Variants in REPS2 observed in about 807,000 individuals in gnomAD.
REPS2 encodes the protein RALBP1 associated Eps domain containing 2.
REPS2 carries 23 observed loss-of-function variants against 53.6 expected under a neutral mutation model. The observed-to-expected ratio is 0.43, with a 90% confidence interval of 0.31 to 0.61. The LOEUF (loss-of-function observed/expected upper bound fraction) is 0.61. REPS2 is among the 20% of genes least tolerant of loss of function. The pLI is 0.11. For synonymous variants in REPS2, 238 were observed against 218.6 expected (o/e 1.09, Z -0.78); for missense variants, 446 against 534.9 (o/e 0.83, Z 1.64).
chrX:17,035,329 G>A (rs1184277261), intron 5 of REPS2, among the ~76,000 whole-genome samples: 5 of 108,477 alleles, frequency 4.6e-5, no homozygotes, highest in African/African-American at 1.0e-4. Flanking sequence ...TAAGGAGAGC[G>A]GAGGAGTGAG....
rs113620852 is a variant in REPS2, at chrX:17,004,352, G to T, written c.274-1869G>T. On this transcript the variant is annotated intron_variant, in intron 1 of 17. Transcript: ENST00000357277. ...ACCCACAACTTACAGCTTTTCCATG[G>T]AGATTTTAAACTTAGAAAACTTTGA... Among the ~76,000 whole-genome samples, 575 of 108,877 alleles carry T rather than the reference G, an allele frequency of 5.3e-3. 5 individuals are homozygous for T. Among genetic ancestry groups the T allele is most frequent in the African/African-American group, 0.018 (551 of 29,852 alleles). The allele number at this position is 108,877 out of a possible 115,157, so 94.5% of individuals were successfully genotyped here.
chrX:17,086,926 G>A (rs192323400), intron 13 of REPS2, among the ~76,000 whole-genome samples: 182 of 112,148 alleles, frequency 1.6e-3, no homozygotes, highest in African/African-American at 5.4e-3. Context: ...AGGATCCCAA[G>A]AGGGATATGG....
the REPS2 span, among the ~76,000 whole-genome samples, chrX:17,179,738 T>C: frequency 8.9e-6 from 1 of 111,824 alleles, no homozygotes; most frequent in Non-Finnish European, 1.9e-5. Context: ...CATTTCAGAA[T>C]ACATTTTATA....
chrX:17,182,184 A>G, the REPS2 span, among the ~76,000 whole-genome samples: 2 of 108,289 alleles, frequency 1.8e-5, no homozygotes, highest in Non-Finnish European at 3.9e-5. Context: ...CTATCTATCT[A>G]TCTATCATCT....
intron 2 of REPS2, among the ~76,000 whole-genome samples, chrX:17,012,416 A>AACAACAACAACAAG (rs1569124855): frequency 2.1e-5 from 2 of 96,737 alleles, no homozygotes; most frequent in African/African-American, 8.8e-5. Context: ...ACAACAACAA[A>AACAACAACAACAAG]CAAAACCCTA....
chrX:16,954,896 C>T (rs1382876715), intron 1 of REPS2, among the ~76,000 whole-genome samples: 3 of 103,495 alleles, frequency 2.9e-5, no homozygotes, highest in African/African-American at 7.1e-5. Context: ...CTGCAACCTC[C>T]GCCTCCCAGG....
At chrX:17,194,420 A>T in the REPS2 span, among the ~76,000 whole-genome samples, 1 of 112,192 alleles carries the variant, frequency 8.9e-6, no homozygotes, top group Non-Finnish European at 1.9e-5. Context: ...TGATGCATAC[A>T]GTACAAACAA....
intron 14 of REPS2, among the ~76,000 whole-genome samples, chrX:17,112,125 A>G (rs2062979788): frequency 9.1e-6 from 1 of 109,946 alleles, no homozygotes; most frequent in South Asian, 4.0e-4. Context: ...ACACCGAGCT[A>G]ATGTTTTTAT....
chrX:17,045,667 T>G (rs1265919004), intron 5 of REPS2, among the ~76,000 whole-genome samples: 1 of 109,206 alleles, frequency 9.2e-6, no homozygotes, highest in Non-Finnish European at 1.9e-5. Context: ...ACCTTCCTTC[T>G]GACTAAAGGA....
intron 13 of REPS2, among the ~76,000 whole-genome samples, chrX:17,093,924 T>G (rs1019717720): frequency 2.7e-5 from 3 of 111,945 alleles, no homozygotes; most frequent in African/African-American, 9.8e-5. Flanking sequence ...CCTCAGGTGT[T>G]CTGTCAGTTT....
At chrX:17,074,370 C>T (rs1219829698) in intron 12 of REPS2, 1 of 369,473 alleles carries the variant, frequency 2.7e-6, no homozygotes, top group African/African-American at 2.6e-5. Context: ...AGAAGGTGAC[C>T]ATGAATGCCC....
chrX:17,066,003 C>T (rs2062220355), intron 9 of REPS2, among the ~76,000 whole-genome samples: 1 of 111,730 alleles, frequency 9.0e-6, no homozygotes, highest in African/African-American at 3.3e-5. Context: ...GATTTCTAGT[C>T]GTCCCAGCAC....
downstream of REPS2, among the ~76,000 whole-genome samples, chrX:17,155,243 C>T (rs2063604035): frequency 9.0e-6 from 1 of 111,304 alleles, no homozygotes; most frequent in Non-Finnish European, 1.9e-5. Context: ...AGGTGGCAGG[C>T]GATATCACAT....
chrX:17,048,921 A>C (rs879101253), intron 6 of REPS2, among the ~76,000 whole-genome samples: 1 of 111,996 alleles, frequency 8.9e-6, no homozygotes, highest in Non-Finnish European at 1.9e-5. Context: ...TTTGAGATGG[A>C]GTCTTGCTCT....
chrX:17,038,838 C>T (rs1433660248), intron 5 of REPS2, among the ~76,000 whole-genome samples: 1 of 111,901 alleles, frequency 8.9e-6, no homozygotes, highest in African/African-American at 3.2e-5. Flanking sequence ...GAGGCAGGGC[C>T]CTGTGGGCTA....
chrX:17,016,760 C>CTTTTTTTTTTT (rs139092298), intron 2 of REPS2, among the ~76,000 whole-genome samples: 2 of 63,662 alleles, frequency 3.1e-5, no homozygotes, highest in Non-Finnish European at 5.8e-5. Context: ...TTTCTTTTTT[C>CTTTTTTTTTTT]TTTTTTTTTT....
intron 14 of REPS2, among the ~76,000 whole-genome samples, chrX:17,113,130 A>G (rs1020837883): frequency 2.0e-4 from 18 of 92,285 alleles, no homozygotes; most frequent in Non-Finnish European, 3.0e-4. Context: ...ACTGGAAGAA[A>G]AAGAGCACAC....
chrX:16,966,435 A>G (rs1005597443), intron 1 of REPS2, among the ~76,000 whole-genome samples: 1 of 112,367 alleles, frequency 8.9e-6, no homozygotes, highest in African/African-American at 3.2e-5. Context: ...TTGCGTTTAC[A>G]TAATGAGATC....
intron 1 of REPS2, among the ~76,000 whole-genome samples, chrX:16,990,022 C>T (rs907030511): frequency 3.6e-5 from 4 of 111,959 alleles, no homozygotes; most frequent in African/African-American, 1.3e-4. Context: ...TAGCCCATAA[C>T]TGGAAACAAT....
Sources: allele counts gnomAD v4.1 joint callset (sites outside exome capture counted in the v4.1 genomes callset), GRCh38; gene constraint gnomAD v4.1.1; transcripts MANE v1.5; gene names NCBI Gene and HGNC (gene_info 2026-07-23, HGNC 2026-07-21).